Variants in SLC39A10 observed in about 807,000 individuals in gnomAD.
The protein encoded by SLC39A10 is solute carrier family 39 member 10.
Under a neutral mutation model 65.1 loss-of-function variants are expected in SLC39A10, and 13 were observed. The ratio of observed to expected loss-of-function variants is 0.20; its 90% CI spans 0.13 to 0.32. The LOEUF is 0.32. Among genes scored for constraint, SLC39A10 ranks in the 10% least tolerant of loss-of-function variants. The probability of loss-of-function intolerance (pLI) is 1.00; values close to 1 mark genes in which losing one functional copy is unlikely to be tolerated. For missense variants in SLC39A10, 831 were observed against 1,018.4 expected, an observed-to-expected ratio of 0.82 and a Z score of 2.50; for synonymous variants, 321 against 342.2, an observed-to-expected ratio of 0.94 and a Z score of 0.68.
chr2:195,698,846 C>A (rs1163285246), intron 3 of SLC39A10, among the ~76,000 whole-genome samples: 4 of 151,834 alleles, frequency 2.6e-5, no homozygotes, highest in African/African-American at 7.3e-5. Flanking sequence ...GAAAGTGTTA[C>A]CTCCTCTTTG....
intron 2 of SLC39A10, among the ~76,000 whole-genome samples, chr2:195,638,617 T>C (rs1320677444): frequency 6.6e-6 from 1 of 152,174 alleles, no homozygotes; most frequent in Non-Finnish European, 1.5e-5. Context: ...GTGCTGGGAT[T>C]ACAGGCATGA....
chr2:195,688,548 G>GT (rs888525460), intron 3 of SLC39A10, among the ~76,000 whole-genome samples: 3 of 152,092 alleles, frequency 2.0e-5, no homozygotes, highest in Non-Finnish European at 4.4e-5. Flanking sequence ...GAAAACTGAA[G>GT]TTTTTTTAAA....
In SLC39A10 at chr2:195,708,843, GAGTA is replaced by G; in HGVS notation, c.1575+4_1575+7del. 1 of 1,586,408 alleles carries G rather than the reference GAGTA, an allele frequency of 6.3e-7. No individual in the cohort carries two copies. The highest frequency in any genetic ancestry group is 8.6e-7 in the Non-Finnish European group (1 of 1,169,364). Reference sequence around the variant, plus strand: ...ATGTTTAAGCACTACAAACAACAAAGAGTAAGTATTTTTTATTTATTTAATTTTA... The same window carrying G: ...ATGTTTAAGCACTACAAACAACAAAGAGTATTTTTTATTTATTTAATTTTA... On this transcript the variant is annotated splice_donor_variant and splice_donor_region_variant and coding_sequence_variant and intron_variant, in exon 5 of 10. Transcript: ENST00000359634. LOFTEE classifies it high-confidence loss of function.
chr2:195,632,117 T>A (rs1031316568), intron 2 of SLC39A10, among the ~76,000 whole-genome samples: 1 of 151,428 alleles, frequency 6.6e-6, no homozygotes, highest in African/African-American at 2.4e-5. Context: ...GGTCTCAAAC[T>A]CTTGGACTCA....
chr2:195,636,881 A>G (rs190605358), intron 2 of SLC39A10, among the ~76,000 whole-genome samples: 1 of 152,060 alleles, frequency 6.6e-6, no homozygotes, highest in Non-Finnish European at 1.5e-5. Flanking sequence ...ATAAAAAATT[A>G]AAAAAAATAT....
intron 3 of SLC39A10, among the ~76,000 whole-genome samples, chr2:195,691,233 A>G (rs1220997920): frequency 2.0e-5 from 3 of 152,122 alleles, no homozygotes; most frequent in African/African-American, 4.8e-5. Context: ...GTGTATCTAT[A>G]TATATACCAC....
intron 3 of SLC39A10, among the ~76,000 whole-genome samples, chr2:195,692,119 C>CT (rs910474576): frequency 1.3e-5 from 2 of 152,108 alleles, no homozygotes. Context: ...CCTTTCCCCA[C>CT]TTTATGTTTT....
intron 2 of SLC39A10, among the ~76,000 whole-genome samples, chr2:195,631,033 ACAAAAATTAG>A (rs1355281812): frequency 6.6e-6 from 1 of 152,112 alleles, no homozygotes; most frequent in East Asian, 1.9e-4. Flanking sequence ...TACTAAAAAT[ACAAAAATTAG>A]CCAGGCACGG....
chr2:195,718,219 A>G, intron 7 of SLC39A10, 33 bp from the exon 8 acceptor site: 3 of 1,569,700 alleles, frequency 1.9e-6, no homozygotes, highest in Non-Finnish European at 2.6e-6. Flanking sequence ...AAGATCAGCA[A>G]ACCTCACTTG....
In SLC39A10 at chr2:195,716,712, C is replaced by T. The variant is rs376861733; in HGVS notation, c.1772C>T (p.Ser591Phe). The change falls in exon 7 of 10, where the codon TCC becomes TTC. Residue 591 changes from serine (S) to phenylalanine (F), a missense_variant. Coordinates refer to ENST00000359634, the MANE Select transcript of SLC39A10 (RefSeq NM_020342.3). ...ELTDLEGQQE[S>F]PPKNYLCIEE... ...ACAGATTTAGAAGGCCAACAAGAAT[C>T]CCCTCCTAAAAATTACCTTTGTATA... 29 of 1,613,984 alleles carry T rather than the reference C, an allele frequency of 1.8e-5. No individual in the cohort carries two copies. The highest frequency in any genetic ancestry group is 2.5e-5 in the Non-Finnish European group (29 of 1,179,912).
chr2:195,723,607 G>A (rs573009824), intron 8 of SLC39A10, among the ~76,000 whole-genome samples: 1 of 152,250 alleles, frequency 6.6e-6, no homozygotes, highest in South Asian at 2.1e-4. Context: ...GACTGTGGAT[G>A]GATGCAGAAT....
At chr2:195,623,287 T>C (rs1688388542) in intron 2 of SLC39A10, among the ~76,000 whole-genome samples, 1 of 152,200 alleles carries the variant, frequency 6.6e-6, no homozygotes, top group Non-Finnish European at 1.5e-5. Context: ...ACATTATTGG[T>C]CTTATGTGTG....
chr2:195,690,367 CCT>C (rs1374430264), intron 3 of SLC39A10, among the ~76,000 whole-genome samples: 1 of 151,600 alleles, frequency 6.6e-6, no homozygotes, highest in African/African-American at 2.4e-5. Flanking sequence ...TCTCTGAGAC[CCT>C]GTTTTAAATT....
chr2:195,690,639 T>G (rs527869787), intron 3 of SLC39A10, among the ~76,000 whole-genome samples: 19 of 152,198 alleles, frequency 1.2e-4, no homozygotes, highest in Non-Finnish European at 2.6e-4. Context: ...GAGCATCTTT[T>G]CATGTGCTTT....
At chr2:195,613,368 T>C (rs2105678147) in intron 2 of SLC39A10, among the ~76,000 whole-genome samples, 1 of 152,362 alleles carries the variant, frequency 6.6e-6, no homozygotes, top group Non-Finnish European at 1.5e-5. Context: ...CCTTTGTTAC[T>C]ATGCTTGTGC....
intron 2 of SLC39A10, among the ~76,000 whole-genome samples, chr2:195,617,833 A>G (rs994865770): frequency 5.3e-5 from 8 of 150,882 alleles, no homozygotes; most frequent in Admixed American, 1.3e-4. Context: ...TCTGCCTCCT[A>G]GGGTCACGCC....
Position 195,708,710 on chromosome 2 carries a change from C to A in SLC39A10, c.1441C>A (p.His481Asn). 1 of 1,612,906 alleles carries A rather than the reference C, an allele frequency of 6.2e-7. No homozygotes were observed. Among genetic ancestry groups the A allele is most frequent in the Non-Finnish European group, 8.5e-7 (1 of 1,179,422 alleles). Residue 481 changes from histidine to asparagine, a missense_variant, in exon 5 of 10, where the codon CAT becomes AAT. His to Asn is a moderately conservative substitution (Grantham distance 68). Transcript: ENST00000359634. The stretch of plus-strand genomic sequence containing the variant: ...ACATGCACATGGGCATGGACATTCT[C>A]ATGGACATGAATCTAACAAGTTTTT... ...HQHAHGHGHSHGHESNKFLEE... is the reference protein window; with the variant it reads ...HQHAHGHGHSNGHESNKFLEE...
At chr2:195,698,623 T>C (rs528382001) in intron 3 of SLC39A10, among the ~76,000 whole-genome samples, 1 of 152,128 alleles carries the variant, frequency 6.6e-6, no homozygotes, top group Admixed American at 6.5e-5. Context: ...GATTTTTATA[T>C]ATTGAACTTT....
intron 6 of SLC39A10, among the ~76,000 whole-genome samples, chr2:195,714,117 G>A (rs1414877889): frequency 6.6e-6 from 1 of 152,000 alleles, no homozygotes; most frequent in African/African-American, 2.4e-5. Context: ...ATTTTTAGTA[G>A]GGACGGGGTT....
Sources: allele counts gnomAD v4.1 joint callset (sites outside exome capture counted in the v4.1 genomes callset), GRCh38; gene constraint gnomAD v4.1.1; transcripts MANE v1.5; gene names NCBI Gene and HGNC (gene_info 2026-07-23, HGNC 2026-07-21).